The following PCDH9 variants were observed in gnomAD, a reference collection of about 807,000 sequenced individuals.
The protein encoded by PCDH9 is protocadherin 9.
In PCDH9, 24 loss-of-function variants were observed where a neutral mutation model predicts 70.6. The ratio of observed to expected loss-of-function variants is 0.34; its 90% CI spans 0.25 to 0.48. The LOEUF is 0.48. PCDH9 is among the 20% of genes least tolerant of loss of function. The probability of loss-of-function intolerance (pLI) is 0.99; values close to 1 mark genes in which losing one functional copy is unlikely to be tolerated. For synonymous variants in PCDH9, 562 were observed against 558.5 expected (o/e 1.01, Z -0.09); for missense variants, 1,281 against 1,503.6 (o/e 0.85, Z 2.45).
At chr13:66,421,242 T>C (rs372341453) in intron 4 of PCDH9, among the ~76,000 whole-genome samples, 3 of 152,142 alleles carry the variant, frequency 2.0e-5, no homozygotes, top group South Asian at 2.1e-4. Flanking sequence ...TGGAACCAAG[T>C]TGGAAAACAC....
At chr13:67,114,220 A>G (rs1473215730) in intron 2 of PCDH9, among the ~76,000 whole-genome samples, 5 of 152,124 alleles carry the variant, frequency 3.3e-5, no homozygotes, top group East Asian at 3.9e-4. Flanking sequence ...CTTTTAAGAC[A>G]TTTTTTCTTA....
intron 4 of PCDH9, among the ~76,000 whole-genome samples, chr13:66,544,802 A>G (rs1961113376): frequency 6.6e-6 from 1 of 152,078 alleles, no homozygotes; most frequent in East Asian, 1.9e-4. Flanking sequence ...GCGGCCATCA[A>G]TACATCTTAT....
At chr13:66,407,503 G>A (rs1444390) in intron 4 of PCDH9, among the ~76,000 whole-genome samples, 17,104 of 152,044 alleles carry the variant, frequency 0.11, 1,375 homozygotes, top group African/African-American at 0.22. Flanking sequence ...CTGAGGAGGG[G>A]GGTGTTGTTT....
intron 2 of PCDH9, among the ~76,000 whole-genome samples, chr13:67,086,308 C>T (rs1471276963): frequency 1.3e-5 from 2 of 152,062 alleles, no homozygotes; most frequent in Non-Finnish European, 1.5e-5. Flanking sequence ...TTTCAGTTAC[C>T]ATACTGTATT....
chr13:66,447,133 G>A (rs193030729), intron 4 of PCDH9, among the ~76,000 whole-genome samples: 11 of 151,930 alleles, frequency 7.2e-5, no homozygotes, highest in Admixed American at 2.0e-4. Context: ...ATTTACGGTC[G>A]GAAATATTTA....
At chr13:66,407,153 C>A (rs1027678568) in intron 4 of PCDH9, among the ~76,000 whole-genome samples, 2 of 152,204 alleles carry the variant, frequency 1.3e-5, no homozygotes, top group African/African-American at 4.8e-5. Flanking sequence ...TTCATCATTT[C>A]TCCTCGGAGA....
At chr13:66,994,632 G>T (rs2084072548) in intron 2 of PCDH9, among the ~76,000 whole-genome samples, 2 of 152,210 alleles carry the variant, frequency 1.3e-5, no homozygotes, top group Non-Finnish European at 2.9e-5. Context: ...ATAGAGCTGA[G>T]CCTGTCCAGA....
intron 3 of PCDH9, among the ~76,000 whole-genome samples, chr13:66,744,427 A>G (rs1019713359): frequency 4.6e-5 from 7 of 152,150 alleles, no homozygotes; most frequent in African/African-American, 1.7e-4. Flanking sequence ...TTAAAAATTT[A>G]TTTATTTTGA....
chr13:67,157,692 G>A (rs943693757), intron 2 of PCDH9, among the ~76,000 whole-genome samples: 2 of 152,110 alleles, frequency 1.3e-5, no homozygotes, highest in African/African-American at 4.8e-5. Context: ...ATGTGAGTAA[G>A]CAAAATATAA....
At chr13:66,764,900 TGA>T (rs897597545) in intron 3 of PCDH9, among the ~76,000 whole-genome samples, 2 of 152,078 alleles carry the variant, frequency 1.3e-5, no homozygotes, top group Non-Finnish European at 2.9e-5. Flanking sequence ...ATCGATTTTT[TGA>T]GAAATTCATA....
intron 4 of PCDH9, among the ~76,000 whole-genome samples, chr13:66,601,459 T>C (rs1036060561): frequency 1.4e-5 from 2 of 146,120 alleles, no homozygotes; most frequent in South Asian, 2.2e-4. Context: ...AAAATAGATA[T>C]AAGTTTCACT....
chr13:66,906,014 G>C (rs1474887536), intron 2 of PCDH9, among the ~76,000 whole-genome samples: 1 of 152,140 alleles, frequency 6.6e-6, no homozygotes, highest in African/African-American at 2.4e-5. Context: ...CTGAGTGCAT[G>C]TTATGTGTCA....
chr13:66,519,077 C>T lies in PCDH9; in HGVS notation c.3340+112133G>A, dbSNP rs117192788. On this transcript the variant is annotated intron_variant, in intron 4 of 4. Coordinates refer to ENST00000377865, the MANE Select transcript of PCDH9 (RefSeq NM_203487.3). ...CTGGGAACTACTATGCATGTGGCCA[C>T]ACAGAAATAATAGTGCACTTTGGAA... 4.7e-4 allele frequency among the ~76,000 whole-genome samples: 72 copies of T among 152,162 alleles called. 1 individual carries two copies. In the East Asian group the frequency reaches 0.014, roughly 29 times the overall value.
intron 2 of PCDH9, among the ~76,000 whole-genome samples, chr13:66,981,336 G>A (rs1594345007): frequency 6.6e-6 from 1 of 151,540 alleles, no homozygotes; most frequent in African/African-American, 2.4e-5. Flanking sequence ...TACTCAGGAG[G>A]CTGAGGCAGG....
At chr13:67,138,582 C>T (rs940953377) in intron 2 of PCDH9, among the ~76,000 whole-genome samples, 17 of 152,244 alleles carry the variant, frequency 1.1e-4, no homozygotes, top group African/African-American at 3.9e-4. Flanking sequence ...TTACATAGGG[C>T]GTACCCCGAG....
intron 4 of PCDH9, among the ~76,000 whole-genome samples, chr13:66,388,599 A>T (rs1276271525): frequency 6.6e-6 from 1 of 152,146 alleles, no homozygotes; most frequent in African/African-American, 2.4e-5. Context: ...TTGAAAGAAA[A>T]ATGTTCATGC....
chr13:66,520,471 T>A (rs539969317), intron 4 of PCDH9, among the ~76,000 whole-genome samples: 1 of 152,354 alleles, frequency 6.6e-6, no homozygotes, highest in Admixed American at 6.5e-5. Context: ...CCTGCAGTAG[T>A]TCTGCAGATC....
chr13:67,070,025 C>G lies in PCDH9; in HGVS notation c.3036+155380G>C, dbSNP rs973232952. 1.4e-4 allele frequency among the ~76,000 whole-genome samples: 21 copies of G among 151,526 alleles called. No homozygotes were observed. In the South Asian group the frequency reaches 4.4e-3, roughly 32 times the overall value. On this transcript the variant is annotated intron_variant, in intron 2 of 4. Coordinates refer to ENST00000377865, the MANE Select transcript of PCDH9 (RefSeq NM_203487.3). ...TAATTGAAATGTTCTTGATTTTTATCAACCCTGCTACTAGGTCATGCAGGT... is the reference window on the plus strand; with the variant it reads ...TAATTGAAATGTTCTTGATTTTTATGAACCCTGCTACTAGGTCATGCAGGT...
In PCDH9 at chr13:66,452,898, C is replaced by G. The variant is rs1958241903; in HGVS notation, c.3341-147870G>C. ...ATATCCCTTCTCACATGACTTCAGTCAAGATAATCTTTTCATTTAGAATAT... is the reference window on the plus strand; with the variant it reads ...ATATCCCTTCTCACATGACTTCAGTGAAGATAATCTTTTCATTTAGAATAT... On this transcript the variant is annotated intron_variant, in intron 4 of 4. Coordinates refer to ENST00000377865, the MANE Select transcript of PCDH9 (RefSeq NM_203487.3). 2.0e-5 allele frequency among the ~76,000 whole-genome samples: 3 copies of G among 152,020 alleles called. No homozygotes were observed. In the South Asian group the frequency reaches 6.2e-4, roughly 32 times the overall value.
Sources: gnomAD v4.1 joint callset for allele counts (sites outside exome capture counted in the v4.1 genomes callset) on GRCh38, gnomAD v4.1.1 for gene constraint, MANE v1.5 for transcripts, NCBI Gene and HGNC (gene_info 2026-07-23, HGNC 2026-07-21) for gene names.